Variants in HDAC9 observed in about 807,000 individuals in gnomAD.
HDAC9 encodes MEF-2 interacting transcription repressor (MITR) protein.
Under a neutral mutation model 139.4 loss-of-function variants are expected in HDAC9, and 41 were observed. That is an observed-to-expected ratio of 0.29 (90% confidence interval 0.23 to 0.38). HDAC9 has a LOEUF of 0.38. HDAC9 is among the 10% of genes least tolerant of loss of function. HDAC9 has a pLI of 1.00. For synonymous variants in HDAC9, 517 were observed against 476.2 expected (o/e 1.09, Z -1.12); for missense variants, 1,147 against 1,297.0 (o/e 0.88, Z 1.78).
intron 1 of HDAC9, among the ~76,000 whole-genome samples, chr7:18,392,353 T>A (rs1192641128): frequency 1.5e-4 from 20 of 129,118 alleles, no homozygotes; most frequent in South Asian, 7.3e-4. Flanking sequence ...ACACACACAC[T>A]GTCTATATCT....
chr7:18,090,691 A>C (rs550210907), intron 1 of HDAC9, among the ~76,000 whole-genome samples: 1 of 152,316 alleles, frequency 6.6e-6, no homozygotes, highest in African/African-American at 2.4e-5. Context: ...AGAGGCAGCC[A>C]GTAGTGGTCA....
At chr7:18,541,913 C>T (rs1337956868) in intron 2 of HDAC9, among the ~76,000 whole-genome samples, 1 of 152,100 alleles carries the variant, frequency 6.6e-6, no homozygotes, top group Admixed American at 6.6e-5. Flanking sequence ...TTTTTAAATT[C>T]CAGACTTCCT....
intron 11 of HDAC9, among the ~76,000 whole-genome samples, chr7:18,660,728 A>G (rs1792857131): frequency 6.6e-6 from 1 of 152,120 alleles, no homozygotes; most frequent in Admixed American, 6.6e-5. Flanking sequence ...GATTTGAGGG[A>G]GTAGAGAGAG....
At chr7:18,401,062 A>C (rs1787493355) in intron 1 of HDAC9, among the ~76,000 whole-genome samples, 1 of 152,190 alleles carries the variant, frequency 6.6e-6, no homozygotes, top group Admixed American at 6.5e-5. Flanking sequence ...GGAGAAAATA[A>C]GTCTTCCTAC....
At chr7:18,288,251 A>G (rs1040611783), upstream of HDAC9, among the ~76,000 whole-genome samples, 6 of 152,244 alleles carry the variant, frequency 3.9e-5, no homozygotes, top group Non-Finnish European at 7.3e-5. Context: ...TTTTATGAAT[A>G]AGAAATAAAT....
intron 14 of HDAC9, among the ~76,000 whole-genome samples, chr7:18,759,008 T>C (rs992336476): frequency 2.0e-5 from 3 of 152,036 alleles, no homozygotes; most frequent in Non-Finnish European, 4.4e-5. Context: ...AAAGAAAGAA[T>C]AAGGAGAAGG....
chr7:18,647,308 A>G (rs138735373), intron 9 of HDAC9, among the ~76,000 whole-genome samples: 187 of 152,302 alleles, frequency 1.2e-3, no homozygotes, highest in African/African-American at 4.4e-3. Context: ...GTGGTTTACA[A>G]CATAATGATT....
At chr7:18,359,760 C>T (rs1338830104) in intron 1 of HDAC9, among the ~76,000 whole-genome samples, 3 of 152,138 alleles carry the variant, frequency 2.0e-5, no homozygotes, top group Non-Finnish European at 4.4e-5. Context: ...AGGCACGCAC[C>T]ACCGTGCCCA....
Position 18,949,339 on chromosome 7 carries a change from T to C in HDAC9, c.2938-4807T>C, listed in dbSNP as rs116605807. 588 of 255,176 alleles carry C rather than the reference T, an allele frequency of 2.3e-3. 2 individuals are homozygous for C. Among genetic ancestry groups the C allele is most frequent in the African/African-American group, 0.013 (563 of 43,442 alleles). The allele number at this position is 255,176 out of a possible 1,614,324, so 15.8% of individuals were successfully genotyped here. On this transcript the variant is annotated intron_variant, in intron 23 of 25. Transcript: ENST00000686413. ...ACTACCACCTCTAGAGGCAGCTCGC[T>C]TTCCAGATATACTTAAGAGCTTTGC...
chr7:18,916,022 G>GAAAAAA (rs55866735), intron 22 of HDAC9, among the ~76,000 whole-genome samples: 3 of 138,130 alleles, frequency 2.2e-5, no homozygotes, highest in Admixed American at 7.3e-5. Flanking sequence ...CCCCCCGCTG[G>GAAAAAA]AAAAAAAAAA....
At chr7:18,972,423 C>T (rs975176780) in intron 24 of HDAC9, among the ~76,000 whole-genome samples, 1 of 142,300 alleles carries the variant, frequency 7.0e-6, no homozygotes, top group African/African-American at 2.6e-5. Flanking sequence ...CCCTGTCACC[C>T]AGTCTGGAGT....
chr7:18,890,899 C>A (rs919566052), intron 22 of HDAC9, among the ~76,000 whole-genome samples: 2 of 152,088 alleles, frequency 1.3e-5, no homozygotes, highest in Non-Finnish European at 2.9e-5. Flanking sequence ...CCAGAGAGAC[C>A]AGGCAATTAG....
chr7:18,229,015 T>C (rs1793264239), intron 2 of HDAC9, among the ~76,000 whole-genome samples: 1 of 152,156 alleles, frequency 6.6e-6, no homozygotes, highest in Non-Finnish European at 1.5e-5. Context: ...TGGGGCCCTC[T>C]TTAAGAAAAA....
Position 18,549,343 on chromosome 7 carries a change from G to A in HDAC9, c.23-35938G>A, listed in dbSNP as rs545145135. Reference sequence around the variant, plus strand: ...AACTTATGTTCGCACAGAATATTGTGCACAGTTGTTCACTGCAGCTGTTTT... The same window carrying A: ...AACTTATGTTCGCACAGAATATTGTACACAGTTGTTCACTGCAGCTGTTTT... On this transcript the variant is annotated intron_variant, in intron 2 of 25. Coordinates refer to ENST00000686413, the MANE Select transcript of HDAC9 (RefSeq NM_178425.4). 9.8e-5 allele frequency among the ~76,000 whole-genome samples: 15 copies of A among 152,340 alleles called. 1 individual carries two copies. Among genetic ancestry groups the A allele is most frequent in the Admixed American group, 7.8e-4 (12 of 15,306 alleles).
chr7:18,101,359 A>G (rs76478116), intron 1 of HDAC9, among the ~76,000 whole-genome samples: 4,743 of 152,180 alleles, frequency 0.031, 254 homozygotes, highest in African/African-American at 0.11. Context: ...CTTAGGGTTC[A>G]CCTCGTGTGT....
At chr7:18,567,769 C>T (rs1442716790) in intron 2 of HDAC9, among the ~76,000 whole-genome samples, 2 of 151,970 alleles carry the variant, frequency 1.3e-5, no homozygotes, top group African/African-American at 2.4e-5. Flanking sequence ...GACTACAGAT[C>T]TATTACTAGG....
At chr7:18,401,681 A>G (rs1344796528) in intron 1 of HDAC9, among the ~76,000 whole-genome samples, 1 of 152,180 alleles carries the variant, frequency 6.6e-6, no homozygotes, top group Admixed American at 6.5e-5. Flanking sequence ...ACTTAAATGC[A>G]TGAGCTTTCA....
intron 2 of HDAC9, among the ~76,000 whole-genome samples, chr7:18,210,030 C>T (rs1032168935): frequency 6.6e-6 from 1 of 150,810 alleles, no homozygotes; most frequent in Non-Finnish European, 1.5e-5. Context: ...TTTTTTAACA[C>T]TGACATTAGT....
At chr7:18,806,321 A>T (rs550922510) in intron 17 of HDAC9, among the ~76,000 whole-genome samples, 1 of 152,336 alleles carries the variant, frequency 6.6e-6, no homozygotes, top group African/African-American at 2.4e-5. Context: ...AATGGGCCAA[A>T]TCAAGATGTC....
Sources: gnomAD v4.1 joint callset for allele counts (sites outside exome capture counted in the v4.1 genomes callset) on GRCh38, gnomAD v4.1.1 for gene constraint, MANE v1.5 for transcripts, NCBI Gene and HGNC (gene_info 2026-07-23, HGNC 2026-07-21) for gene names.